The following STX2 variants were observed in gnomAD, a reference collection of about 807,000 sequenced individuals.
STX2 encodes syntaxin 2, also known as syntaxin-2.
STX2 carries 27 observed loss-of-function variants against 40.6 expected under a neutral mutation model. The ratio of observed to expected loss-of-function variants is 0.66; its 90% CI spans 0.49 to 0.92. STX2 has a LOEUF of 0.92. Ranked by LOEUF, STX2 falls within the 40% of genes least tolerant of loss-of-function variation. The pLI is 0.00. For missense variants in STX2, 328 were observed against 366.1 expected (o/e 0.90, Z 0.85); for synonymous variants, 123 against 119.1 (o/e 1.03, Z -0.22).
At chr12:130,799,780 C>T (rs1413183753) in intron 8 of STX2, among the ~76,000 whole-genome samples, 2 of 148,366 alleles carry the variant, frequency 1.3e-5, no homozygotes, top group Non-Finnish European at 3.0e-5. Context: ...TACCACTGCA[C>T]TCCAACCTGG....
chr12:130,793,268 T>C (rs552968265), intron 10 of STX2, among the ~76,000 whole-genome samples: 3 of 152,218 alleles, frequency 2.0e-5, no homozygotes, highest in Non-Finnish European at 4.4e-5. Flanking sequence ...TCACGCACAT[T>C]TCCTGCAAAG....
At position 130,796,073 on chromosome 12, in the gene STX2, G is replaced by C. The variant is rs374031341; in HGVS notation, c.834C>G (p.Ile278Met). ...IAVSVVLVAI[I>M]ALIIGLSVGK ...CAACTGACAAGCCAATAATTAGAGC[G>C]ATTATGGCAACCAGAACCACTGACA... Residue 278 changes from isoleucine to methionine, a missense_variant, in exon 10 of 11, where the codon ATC becomes ATG. Transcript: ENST00000392373. The C allele has an allele frequency of 1.9e-6, 3 of 1,613,984 alleles. No homozygotes were observed. The highest frequency in any genetic ancestry group is 1.3e-5 in the African/African-American group (1 of 74,906).
Position 130,827,943 on chromosome 12 carries a change from A to AAAAAC in STX2, c.31-681_31-677dup, listed in dbSNP as rs577739414. The stretch of plus-strand genomic sequence containing the variant: ...TTGGGGCTGCAGTGACCCTGTCTCT[A>AAAAAC]AAAACAAAACAAAACAAAGCAAACC... On this transcript the variant is annotated intron_variant, in intron 1 of 10. Coordinates refer to ENST00000392373, the MANE Select transcript of STX2 (RefSeq NM_194356.4). 4.2e-3 allele frequency among the ~76,000 whole-genome samples: 642 copies of AAAAAC among 152,198 alleles called. 9 individuals are homozygous for AAAAAC. The highest frequency in any genetic ancestry group is 0.015 in the African/African-American group (616 of 41,494).
At chr12:130,815,633 C>T (rs1486863110) in intron 3 of STX2, among the ~76,000 whole-genome samples, 1 of 152,210 alleles carries the variant, frequency 6.6e-6, no homozygotes, top group Admixed American at 6.5e-5. Flanking sequence ...AGCTGTACTT[C>T]AGTCTATTTC....
Position 130,798,634 on chromosome 12 carries a change from C to A in STX2, c.677G>T (p.Gly226Val). 1 of 1,579,990 alleles carries A rather than the reference C, an allele frequency of 6.3e-7. No homozygotes were observed. The highest frequency in any genetic ancestry group is 8.6e-7 in the Non-Finnish European group (1 of 1,168,746). The change falls in exon 9 of 11, where the codon GGT (glycine) becomes GTT (valine). Residue 226 changes from glycine (G) to valine (V), a missense_variant and splice_region_variant. Transcript: ENST00000392373. ...TCTTTCTATGTTGTTGATCATTTCA[C>A]CCTTAAAACAAAAAGTTTCAAACTT... Reference protein sequence around the residue: ...MDMAMFVETQGEMINNIERNV... With the variant: ...MDMAMFVETQVEMINNIERNV...
intron 3 of STX2, among the ~76,000 whole-genome samples, chr12:130,818,215 T>TATAA: frequency 8.0e-6 from 1 of 124,896 alleles, no homozygotes; most frequent in Admixed American, 7.9e-5. Context: ...TATATATATA[T>TATAA]ATAAAATTAT....
chr12:130,838,632 C>T (rs1402734401), intron 1 of STX2, among the ~76,000 whole-genome samples: 1 of 152,222 alleles, frequency 6.6e-6, no homozygotes, highest in African/African-American at 2.4e-5. Context: ...GCCTGCTCCC[C>T]GGGGCTGACG....
chr12:130,815,785 G>A (rs938931503), intron 3 of STX2, among the ~76,000 whole-genome samples: 7 of 152,228 alleles, frequency 4.6e-5, no homozygotes, highest in African/African-American at 1.7e-4. Context: ...TTTGTTTTCT[G>A]GTGTTGTGCC....
At chr12:130,793,566 A>C (rs926544756) in intron 10 of STX2, among the ~76,000 whole-genome samples, 11 of 152,156 alleles carry the variant, frequency 7.2e-5, no homozygotes, top group African/African-American at 1.4e-4. Flanking sequence ...TGTCAACTAC[A>C]TGGAGTCTAG....
At position 130,791,293 on chromosome 12, in the gene STX2, G is replaced by C. The variant is rs930175548; in HGVS notation, c.*730C>G. ...TCCCAGCACTTTGGGAGGCTGAGGT[G>C]GGTGGATCACAAGGTCAGGAGTTTG... is the stretch of plus-strand genomic sequence containing the variant. On this transcript the variant is annotated 3_prime_UTR_variant, in exon 11 of 11. Transcript: ENST00000392373. 1.3e-5 allele frequency: 2 copies of C among 152,106 alleles called. No individual in the cohort carries two copies. The highest frequency in any genetic ancestry group is 2.4e-5 in the African/African-American group (1 of 41,396). The allele number at this position is 152,106 out of a possible 1,614,324, so 9.4% of individuals were successfully genotyped here.
chr12:130,833,089 A>G (rs1370201858), intron 1 of STX2, among the ~76,000 whole-genome samples: 1 of 152,010 alleles, frequency 6.6e-6, no homozygotes, highest in East Asian at 1.9e-4. Context: ...TCTTTTCACA[A>G]CCCAGGCATT....
rs1393301560 is a variant in STX2 at position 130,813,614 on chromosome 12, AG to A, written c.206-584del. Among the ~76,000 whole-genome samples, 3 of 152,140 alleles carry A rather than the reference AG, an allele frequency of 2.0e-5. No individual in the cohort carries two copies. In the East Asian group the frequency reaches 5.8e-4, roughly 29 times the overall value. On this transcript the variant is annotated intron_variant, in intron 3 of 10. Transcript: ENST00000392373. Reference sequence around the variant, plus strand: ...GGCAGGGGCCGGCCTCCTAACACGGAGGGAGGCCAGCAGAGCAGGAGCTGAC... The same window carrying A: ...GGCAGGGGCCGGCCTCCTAACACGGAGGAGGCCAGCAGAGCAGGAGCTGAC...
At chr12:130,798,074 CCTCT>C (rs950422913) in intron 9 of STX2, among the ~76,000 whole-genome samples, 2 of 152,040 alleles carry the variant, frequency 1.3e-5, no homozygotes, top group Admixed American at 6.6e-5. Context: ...ATGGTGAAAC[CCTCT>C]CTCTACTGAA....
intron 3 of STX2, 28 bp downstream of exon 3, chr12:130,821,661 C>T (rs1420679684): frequency 4.5e-6 from 7 of 1,570,322 alleles, no homozygotes; most frequent in East Asian, 2.2e-5. Context: ...GACAGACAAA[C>T]GTTTTGTTGT....
rs1950883409 is a variant in STX2 at position 130,791,784 on chromosome 12, T to A, written c.*239A>T. 1.1e-6 allele frequency: 1 copy of A among 902,712 alleles called. No individual in the cohort carries two copies. The highest frequency in any genetic ancestry group is 1.4e-5 in the South Asian group (1 of 69,660). The allele number at this position is 902,712 out of a possible 1,614,324, so 55.9% of individuals were successfully genotyped here. A position where few individuals can be genotyped will look rare whatever the true frequency, so the allele number is the denominator to read the frequency against. ...TTCCGTGAACTCATACATTACAAGG[T>A]CAGCACTCGATGCCGGGTTACAGCG... On this transcript the variant is annotated 3_prime_UTR_variant, in exon 11 of 11. Transcript: ENST00000392373.
In STX2 at chr12:130,791,896, G is replaced by C. The variant is rs554338802; in HGVS notation, c.*127C>G. On this transcript the variant is annotated 3_prime_UTR_variant, in exon 11 of 11. Coordinates refer to ENST00000392373, the MANE Select transcript of STX2 (RefSeq NM_194356.4). Reference sequence around the variant, plus strand: ...AAGGATAAATGGCTCTTGGGATATGGTTGCTAGGACAATGTTGTTGCTAGG... The same window carrying C: ...AAGGATAAATGGCTCTTGGGATATGCTTGCTAGGACAATGTTGTTGCTAGG... 2 of 1,610,874 alleles carry C rather than the reference G, an allele frequency of 1.2e-6. No homozygotes were observed. The highest frequency in any genetic ancestry group is 1.1e-5 in the South Asian group (1 of 90,682).
chr12:130,800,013 G>A (rs1219998869), intron 8 of STX2, among the ~76,000 whole-genome samples: 1 of 152,108 alleles, frequency 6.6e-6, no homozygotes, highest in African/African-American at 2.4e-5. Context: ...CTTAGGGGAT[G>A]ACTCCAGCCA....
At chr12:130,824,463 T>C (rs1593176984) in intron 2 of STX2, among the ~76,000 whole-genome samples, 1 of 152,326 alleles carries the variant, frequency 6.6e-6, no homozygotes, top group Non-Finnish European at 1.5e-5. Context: ...TTATTTTAAC[T>C]CTTGGAGAGT....
At chr12:130,827,171 G>C in intron 2 of STX2, 22 bp downstream of exon 2, 1 of 1,601,256 alleles carries the variant, frequency 6.2e-7, no homozygotes. Context: ...GGCTATGATT[G>C]GGTTTCATTA....
Sources: allele counts gnomAD v4.1 joint callset (sites outside exome capture counted in the v4.1 genomes callset), GRCh38; gene constraint gnomAD v4.1.1; transcripts MANE v1.5; gene names NCBI Gene and HGNC (gene_info 2026-07-23, HGNC 2026-07-21).